Variants in CLVS1 observed in about 807,000 individuals in gnomAD.
The protein encoded by CLVS1 is clavesin-1.
In CLVS1, 10 loss-of-function variants were observed where a neutral mutation model predicts 33.1. The observed-to-expected ratio is 0.30, with a 90% CI of 0.19 to 0.51. The LOEUF (loss-of-function observed/expected upper bound fraction) is 0.51. CLVS1 is among the 20% of genes least tolerant of loss of function. CLVS1 has a pLI of 0.97. For missense variants in CLVS1, 343 were observed against 433.4 expected, an observed-to-expected ratio of 0.79 and a Z score of 1.85; for synonymous variants, 163 against 166.1, an observed-to-expected ratio of 0.98 and a Z score of 0.14.
chr8:61,186,299 T>A (rs565166152), intron 2 of CLVS1, among the ~76,000 whole-genome samples: 1 of 152,342 alleles, frequency 6.6e-6, no homozygotes, highest in East Asian at 1.9e-4. Context: ...CTGAATAAAC[T>A]GATGTCATAT....
At chr8:61,397,342 T>C (rs1814567072) in intron 3 of CLVS1, among the ~76,000 whole-genome samples, 1 of 152,206 alleles carries the variant, frequency 6.6e-6, no homozygotes, top group African/African-American at 2.4e-5. Flanking sequence ...GCCATTTTAA[T>C]ATCTTTTTTG....
Position 61,458,331 on chromosome 8 carries a change from A to G in CLVS1, c.766A>G (p.Asn256Asp). Residue 256 changes from asparagine (N) to aspartate (D), a missense_variant, in exon 5 of 6, where the codon AAC (asparagine) becomes GAC (aspartate). Physicochemically the swap from Asn to Asp is conservative, Grantham distance 23 (BLOSUM62 1). Coordinates refer to ENST00000325897, the MANE Select transcript of CLVS1 (RefSeq NM_173519.3). ...GATTTTCCTGCATGGAAACAATTTAAACAGCCTTCACCAGCTAATACACCC... is the reference window on the plus strand; with the variant it reads ...GATTTTCCTGCATGGAAACAATTTAGACAGCCTTCACCAGCTAATACACCC... ...KRIFLHGNNL[N>D]SLHQLIHPEF... 1 of 1,613,326 alleles carries G rather than the reference A, an allele frequency of 6.2e-7. No individual in the cohort carries two copies. Among genetic ancestry groups the G allele is most frequent in the Non-Finnish European group, 8.5e-7 (1 of 1,179,758 alleles).
At chr8:61,058,059 A>C (rs958367696) in intron 1 of CLVS1, among the ~76,000 whole-genome samples, 2 of 152,242 alleles carry the variant, frequency 1.3e-5, no homozygotes, top group African/African-American at 4.8e-5. Context: ...AATGTCAGTC[A>C]AAGTGTACAA....
At chr8:61,094,599 T>G (rs1585606260) in intron 1 of CLVS1, among the ~76,000 whole-genome samples, 2 of 152,312 alleles carry the variant, frequency 1.3e-5, no homozygotes, top group Middle Eastern at 6.8e-3. Flanking sequence ...AGTGTGACTG[T>G]ATTTAAAGAC....
rs561485866 is a variant in CLVS1 at position 61,317,024 on chromosome 8, T to C, written c.455+16742T>C. On this transcript the variant is annotated intron_variant, in intron 2 of 5. Coordinates refer to ENST00000325897, the MANE Select transcript of CLVS1 (RefSeq NM_173519.3). ...CTATTTTTATTATTCTGATTTTTTTTCACTTAAAATTATATTGTGGTCACT... is the reference window on the plus strand; with the variant it reads ...CTATTTTTATTATTCTGATTTTTTTCCACTTAAAATTATATTGTGGTCACT... 2.0e-4 allele frequency among the ~76,000 whole-genome samples: 30 copies of C among 152,338 alleles called. No individual in the cohort carries two copies. In the South Asian group the frequency reaches 6.2e-3, roughly 32 times the overall value.
chr8:61,167,924 G>T (rs758408252), intron 2 of CLVS1, among the ~76,000 whole-genome samples: 3 of 152,130 alleles, frequency 2.0e-5, no homozygotes, highest in Non-Finnish European at 4.4e-5. Flanking sequence ...TCCACCCCTC[G>T]TTTAGCATTT....
At chr8:61,162,176 A>C (rs1239772623) in intron 2 of CLVS1, among the ~76,000 whole-genome samples, 1 of 152,302 alleles carries the variant, frequency 6.6e-6, no homozygotes, top group South Asian at 2.1e-4. Flanking sequence ...ACTACCCTTC[A>C]AAATTGCCTA....
At chr8:61,020,359 G>A in the CLVS1 span, among the ~76,000 whole-genome samples, 1 of 152,228 alleles carries the variant, frequency 6.6e-6, no homozygotes, top group African/African-American at 2.4e-5. Flanking sequence ...TCAAACATGA[G>A]ATTGTGTTAG....
intron 2 of CLVS1, among the ~76,000 whole-genome samples, chr8:61,242,749 T>C: frequency 6.6e-6 from 1 of 151,998 alleles, no homozygotes; most frequent in Admixed American, 6.6e-5. Context: ...GCTGTGATTA[T>C]GTCTTTGAAC....
chr8:61,457,588 G>A (rs934223456), intron 4 of CLVS1, among the ~76,000 whole-genome samples: 9 of 152,004 alleles, frequency 5.9e-5, no homozygotes, highest in South Asian at 2.1e-4. Context: ...AATATCTCAC[G>A]ATAACTTCTC....
the CLVS1 span, among the ~76,000 whole-genome samples, chr8:61,013,536 A>G: frequency 1.3e-5 from 2 of 152,212 alleles, no homozygotes; most frequent in Non-Finnish European, 2.9e-5. Flanking sequence ...AGGGACTGGA[A>G]AACAAATTCA....
intron 3 of CLVS1, among the ~76,000 whole-genome samples, chr8:61,405,443 ATG>A (rs1814948580): frequency 6.6e-6 from 1 of 152,194 alleles, no homozygotes; most frequent in South Asian, 2.1e-4. Flanking sequence ...GAAGTGCTTC[ATG>A]TGTACTTCCC....
At position 61,458,357 on chromosome 8, in the gene CLVS1, T is replaced by G. The variant is rs72657068; in HGVS notation, c.792T>G (p.Pro264=). 5,371 of 1,614,172 alleles carry G rather than the reference T, an allele frequency of 3.3e-3. 24 individuals are homozygous for G. The highest frequency in any genetic ancestry group is 8.6e-3 in the South Asian group (779 of 91,088). ...ACAGCCTTCACCAGCTAATACACCCTGAATTTTTGCCCTCTGAATTTGGAG... is the reference window on the plus strand; with the variant it reads ...ACAGCCTTCACCAGCTAATACACCCGGAATTTTTGCCCTCTGAATTTGGAG... ...NLNSLHQLIH[P]EFLPSEFGGT... The change falls in exon 5 of 6, where the codon CCT becomes CCG. Residue 264 remains proline, a synonymous_variant. Transcript: ENST00000325897.
intron 3 of CLVS1, among the ~76,000 whole-genome samples, chr8:61,406,306 T>C (rs1025728745): frequency 2.0e-5 from 3 of 152,174 alleles, no homozygotes; most frequent in Admixed American, 1.3e-4. Flanking sequence ...AAACAATACC[T>C]GTCAGAACAG....
At chr8:61,255,766 A>T (rs567634351) in intron 2 of CLVS1, among the ~76,000 whole-genome samples, 7 of 152,284 alleles carry the variant, frequency 4.6e-5, no homozygotes, top group East Asian at 1.9e-4. Flanking sequence ...GCCATAATTT[A>T]AAAAAACTCT....
At chr8:61,426,451 C>T (rs1443569716) in intron 3 of CLVS1, among the ~76,000 whole-genome samples, 1 of 152,172 alleles carries the variant, frequency 6.6e-6, no homozygotes, top group African/African-American at 2.4e-5. Flanking sequence ...CTGCCCCATC[C>T]CAACACTGTC....
chr8:61,106,209 G>A (rs754485055), intron 1 of CLVS1, among the ~76,000 whole-genome samples: 11 of 152,170 alleles, frequency 7.2e-5, no homozygotes, highest in Non-Finnish European at 1.6e-4. Flanking sequence ...TTTAAAGCAT[G>A]AAGCCAGTGC....
chr8:61,081,285 T>C, intron 1 of CLVS1, among the ~76,000 whole-genome samples: 1 of 152,112 alleles, frequency 6.6e-6, no homozygotes, highest in Non-Finnish European at 1.5e-5. Context: ...GCTGGGCTGG[T>C]GGCAGTAAGA....
At chr8:61,171,767 C>T (rs539824103) in intron 2 of CLVS1, among the ~76,000 whole-genome samples, 30 of 152,094 alleles carry the variant, frequency 2.0e-4, no homozygotes, top group Non-Finnish European at 4.1e-4. Context: ...AGTATATCCA[C>T]ATTAAAAAAT....
Sources: gnomAD v4.1 joint callset for allele counts (sites outside exome capture counted in the v4.1 genomes callset) on GRCh38, gnomAD v4.1.1 for gene constraint, MANE v1.5 for transcripts, NCBI Gene and HGNC (gene_info 2026-07-23, HGNC 2026-07-21) for gene names.